Variants in DTHD1 observed in about 807,000 individuals in gnomAD.
DTHD1 encodes the protein death domain containing 1.
DTHD1 carries 59 observed loss-of-function variants against 74.8 expected under a neutral mutation model. That is an observed-to-expected ratio of 0.79 (90% confidence interval 0.64 to 0.98). The LOEUF is 0.98. Ranked by LOEUF, DTHD1 falls within the 50% of genes least tolerant of loss-of-function variation. DTHD1 has a pLI of 0.00. For missense variants in DTHD1, 1,051 were observed against 1,065.4 expected (o/e 0.99, Z 0.19); for synonymous variants, 365 against 371.1 (o/e 0.98, Z 0.19).
intron 7 of DTHD1, 72 bp from the exon 8 acceptor site, chr4:36,316,170 C>A (rs142166155): frequency 1.4e-6 from 2 of 1,432,424 alleles, no homozygotes; most frequent in Non-Finnish European, 1.9e-6. Context: ...CTCCTGACCT[C>A]GTGATCCGCC....
In DTHD1 at chr4:36,281,657, T is replaced by A; in HGVS notation, c.-102T>A. 8.1e-7 allele frequency: 1 copy of A among 1,232,156 alleles called. No individual in the cohort carries two copies. The highest frequency in any genetic ancestry group is 1.0e-6 in the Non-Finnish European group (1 of 987,224). 76.3% of individuals were successfully genotyped at this position (1,232,156 alleles called of 1,614,324 possible). A position where few individuals can be genotyped will look rare whatever the true frequency, so the allele number is the denominator to read the frequency against. On this transcript the variant is annotated 5_prime_UTR_variant, in exon 1 of 10. Coordinates refer to ENST00000639862, the MANE Select transcript of DTHD1 (RefSeq NM_001170700.3). ...AAAGTGCTGGGCTAGCTGACTCGGA[T>A]CATCTCCTAGAGTTTAGGAGAAATA... is the stretch of plus-strand genomic sequence containing the variant.
rs1757724208 is a variant in DTHD1 at position 36,316,277 on chromosome 4, A to G, written c.2131A>G (p.Ile711Val). 6.4e-7 allele frequency: 1 copy of G among 1,551,686 alleles called. No individual in the cohort carries two copies. Among genetic ancestry groups the G allele is most frequent in the South Asian group, 1.2e-5 (1 of 84,054 alleles). The part of the protein sequence containing the change: ...GKDYGKDYTL[I>V]FHLQRKPRLE... Reference sequence around the variant, plus strand: ...GGATTATGGAAAAGACTACACACTTATTTTTCACTTGCAAAGAAAACCTAG... The same window carrying G: ...GGATTATGGAAAAGACTACACACTTGTTTTTCACTTGCAAAGAAAACCTAG... The change falls in exon 8 of 10, where the codon ATT (isoleucine) becomes GTT (valine). Residue 711 changes from isoleucine to valine, a missense_variant. Transcript: ENST00000639862.
intron 3 of DTHD1, among the ~76,000 whole-genome samples, chr4:36,292,487 C>T (rs1398236619): frequency 6.6e-6 from 1 of 152,012 alleles, no homozygotes; most frequent in South Asian, 2.1e-4. Context: ...ATTTAAAAAC[C>T]CTTTTGGCCT....
rs1364445028 is a variant in DTHD1 at position 36,345,808 on chromosome 4, G to C, written c.*1984G>C. ...AACATTTTTGGCATAATTTCTTCTA[G>C]TTTTTCTTTTTTTCTGGAAGAAAAT... On this transcript the variant is annotated 3_prime_UTR_variant, in exon 10 of 10. Transcript: ENST00000639862. The C allele has an allele frequency of 6.6e-6, 1 of 152,040 alleles. No individual in the cohort carries two copies. The highest frequency in any genetic ancestry group is 1.5e-5 in the Non-Finnish European group (1 of 67,994). The allele number at this position is 152,040 out of a possible 1,614,324, so 9.4% of individuals were successfully genotyped here.
Position 36,326,245 on chromosome 4 carries a change from C to T in DTHD1, c.2340+9759C>T, listed in dbSNP as rs976625587. The stretch of plus-strand genomic sequence containing the variant: ...ATTAGACACTGCACTGTATCTGTAA[C>T]TAAAGCACTTTGAATATATATATAA... On this transcript the variant is annotated intron_variant, in intron 8 of 9. Coordinates refer to ENST00000639862, the MANE Select transcript of DTHD1 (RefSeq NM_001170700.3). 4.7e-5 allele frequency among the ~76,000 whole-genome samples: 7 copies of T among 150,532 alleles called. No homozygotes were observed. The East Asian group carries it at 5.8e-4, about 13-fold the overall frequency.
Position 36,325,457 on chromosome 4 carries a change from A to T in DTHD1, c.2340+8971A>T, listed in dbSNP as rs144284140. Among the ~76,000 whole-genome samples the T allele has an allele frequency of 8.5e-5, 13 of 152,364 alleles. No homozygotes were observed. In the East Asian group the frequency reaches 2.5e-3, roughly 29 times the overall value. On this transcript the variant is annotated intron_variant, in intron 8 of 9. Transcript: ENST00000639862. ...ATCAAGTTTTGTTAGCAACATTACT[A>T]CGACAGCCTATAAGGATAAACTAGA... is the stretch of plus-strand genomic sequence containing the variant.
chr4:36,319,937 G>A (rs1457333473), intron 8 of DTHD1, among the ~76,000 whole-genome samples: 1 of 152,162 alleles, frequency 6.6e-6, no homozygotes, highest in Non-Finnish European at 1.5e-5. Flanking sequence ...CTGAAGTGCA[G>A]CCTTGCCAAG....
intron 5 of DTHD1, among the ~76,000 whole-genome samples, chr4:36,303,960 A>G (rs1006264968): frequency 6.6e-6 from 1 of 152,106 alleles, no homozygotes; most frequent in African/African-American, 2.4e-5. Flanking sequence ...CATTCACATC[A>G]TTTACTGGAA....
At chr4:36,286,183 C>G (rs1321146287) in intron 2 of DTHD1, among the ~76,000 whole-genome samples, 5 of 152,148 alleles carry the variant, frequency 3.3e-5, no homozygotes, top group Non-Finnish European at 7.4e-5. Flanking sequence ...ACCGCTCCAA[C>G]AAAACAACTG....
intron 8 of DTHD1, among the ~76,000 whole-genome samples, chr4:36,318,612 CTT>C (rs397992934): frequency 2.7e-5 from 3 of 111,806 alleles, no homozygotes; most frequent in Non-Finnish European, 5.2e-5. Flanking sequence ...TTTTTCTTTT[CTT>C]TTTTTTTTTT....
Position 36,290,562 on chromosome 4 carries a change from A to G in DTHD1, c.1077A>G (p.Pro359=), listed in dbSNP as rs2109453628. 6.4e-7 allele frequency: 1 copy of G among 1,551,624 alleles called. No individual in the cohort carries two copies. Among genetic ancestry groups the G allele is most frequent in the Non-Finnish European group, 8.7e-7 (1 of 1,146,992 alleles). The change falls in exon 3 of 10, where the codon CCA becomes CCG. Residue 359 remains proline, a synonymous_variant. Transcript: ENST00000639862. ...GCTCAGATAAGGAAAAGAGAGTTCC[A>G]TTTCCAATAGGCATTGCAATTCCAT... The part of the protein sequence containing the change: ...IECSDKEKRV[P]FPIGIAIPFT...
chr4:36,332,234 A>C, intron 8 of DTHD1, among the ~76,000 whole-genome samples: 1 of 129,102 alleles, frequency 7.7e-6, no homozygotes, highest in African/African-American at 4.0e-5. Flanking sequence ...AAATAAAATA[A>C]AATAAAATAA....
intron 8 of DTHD1, among the ~76,000 whole-genome samples, chr4:36,316,873 T>A (rs1757769382): frequency 6.6e-6 from 1 of 152,242 alleles, no homozygotes; most frequent in Admixed American, 6.5e-5. Context: ...AAAATATTTA[T>A]ACTGAAACTT....
chr4:36,339,941 A>G (rs1759224914), intron 9 of DTHD1, among the ~76,000 whole-genome samples: 1 of 152,366 alleles, frequency 6.6e-6, no homozygotes, highest in South Asian at 2.1e-4. Flanking sequence ...ATAGAAAACA[A>G]CAACAGCAAT....
chr4:36,324,364 C>G (rs886423032), intron 8 of DTHD1, among the ~76,000 whole-genome samples: 1 of 152,140 alleles, frequency 6.6e-6, no homozygotes, highest in African/African-American at 2.4e-5. Flanking sequence ...GAATTGGGCA[C>G]TGTATCGTTA....
intron 8 of DTHD1, among the ~76,000 whole-genome samples, chr4:36,318,064 C>G (rs933118668): frequency 1.3e-5 from 2 of 152,190 alleles, no homozygotes; most frequent in African/African-American, 4.8e-5. Context: ...CATTGTATCA[C>G]TAAACCCTCA....
chr4:36,345,051 C>T lies in DTHD1; in HGVS notation c.*1227C>T, dbSNP rs147954636. 1.7e-3 allele frequency: 261 copies of T among 151,992 alleles called. No individual in the cohort carries two copies. Among genetic ancestry groups the T allele is most frequent in the African/African-American group, 6.0e-3 (247 of 41,478 alleles). 9.4% of individuals were successfully genotyped at this position (151,992 alleles called of 1,614,324 possible). A position where few individuals can be genotyped will look rare whatever the true frequency, so the allele number is the denominator to read the frequency against. On this transcript the variant is annotated 3_prime_UTR_variant, in exon 10 of 10. Coordinates refer to ENST00000639862, the MANE Select transcript of DTHD1 (RefSeq NM_001170700.3). ...GGAAAATTCCATATTTTGTTATTAG[C>T]GAAATGAGGCAGTGCAGAGAAAATA...
chr4:36,322,145 GT>G (rs903167554), intron 8 of DTHD1, among the ~76,000 whole-genome samples: 15 of 151,088 alleles, frequency 9.9e-5, no homozygotes, highest in African/African-American at 3.4e-4. Flanking sequence ...TCATTTCTCC[GT>G]TTTTACATGT....
At chr4:36,337,232 T>C (rs1759061650) in intron 8 of DTHD1, among the ~76,000 whole-genome samples, 1 of 152,118 alleles carries the variant, frequency 6.6e-6, no homozygotes, top group Non-Finnish European at 1.5e-5. Flanking sequence ...TAGAAAATCC[T>C]TTATGAAGGG....
Sources: gnomAD v4.1 joint callset for allele counts (sites outside exome capture counted in the v4.1 genomes callset) on GRCh38, gnomAD v4.1.1 for gene constraint, MANE v1.5 for transcripts, NCBI Gene and HGNC (gene_info 2026-07-23, HGNC 2026-07-21) for gene names.